Variants in MEF2C observed in about 807,000 individuals in gnomAD.
The protein encoded by MEF2C is myocyte enhancer factor 2C.
MEF2C carries 6 observed loss-of-function variants against 50.5 expected under a neutral mutation model. The observed-to-expected ratio is 0.12, with a 90% confidence interval of 0.07 to 0.23. The LOEUF (loss-of-function observed/expected upper bound fraction) is 0.23. Among genes scored for constraint, MEF2C ranks in the 10% least tolerant of loss-of-function variants. MEF2C has a pLI of 1.00. For synonymous variants in MEF2C, 183 were observed against 228.0 expected (o/e 0.80, Z 1.78); for missense variants, 276 against 605.0 (o/e 0.46, Z 5.70).
At chr5:88,775,408 C>A (rs900748964) in intron 3 of MEF2C, among the ~76,000 whole-genome samples, 1 of 152,162 alleles carries the variant, frequency 6.6e-6, no homozygotes, top group Non-Finnish European at 1.5e-5. Context: ...AAATTCCTAA[C>A]ATACATTGCA....
chr5:88,819,252 A>C, intron 2 of MEF2C: 170 of 512,260 alleles, frequency 3.3e-4, no homozygotes, highest in Non-Finnish European at 3.9e-4. Flanking sequence ...ATATTACACT[A>C]GATGCATCAT....
intron 3 of MEF2C, among the ~76,000 whole-genome samples, chr5:88,795,069 G>A (rs562106059): frequency 6.6e-6 from 1 of 152,278 alleles, no homozygotes; most frequent in East Asian, 1.9e-4. Flanking sequence ...TTTGAAGTCA[G>A]GTAGCGTGAT....
chr5:88,783,638 AT>A (rs1789363320), intron 3 of MEF2C, among the ~76,000 whole-genome samples: 1 of 152,174 alleles, frequency 6.6e-6, no homozygotes, highest in Non-Finnish European at 1.5e-5. Flanking sequence ...CTCAAAAAAA[AT>A]AAAATAAAAT....
intron 1 of MEF2C, among the ~76,000 whole-genome samples, chr5:88,841,769 A>G (rs1423010006): frequency 6.6e-6 from 1 of 152,190 alleles, no homozygotes; most frequent in Non-Finnish European, 1.5e-5. Flanking sequence ...CTGAGTCACT[A>G]CTATGTTCAA....
At chr5:88,757,429 C>G (rs1362147388) in intron 4 of MEF2C, among the ~76,000 whole-genome samples, 1 of 151,858 alleles carries the variant, frequency 6.6e-6, no homozygotes, top group East Asian at 1.9e-4. Context: ...AAAAAAAAAT[C>G]ATACAACTCT....
At chr5:88,793,752 G>A (rs1794845624) in intron 3 of MEF2C, among the ~76,000 whole-genome samples, 3 of 152,078 alleles carry the variant, frequency 2.0e-5, no homozygotes, top group East Asian at 1.9e-4. Context: ...CCATAAAACC[G>A]TCATCTACAT....
intron 1 of MEF2C, among the ~76,000 whole-genome samples, chr5:88,864,090 G>A (rs1293800663): frequency 6.6e-6 from 1 of 151,128 alleles, no homozygotes; most frequent in East Asian, 1.9e-4. Context: ...CCGAAGTGCT[G>A]GGATTATGGG....
intron 1 of MEF2C, among the ~76,000 whole-genome samples, chr5:88,847,422 C>T (rs921176994): frequency 1.3e-5 from 2 of 152,148 alleles, no homozygotes; most frequent in Non-Finnish European, 2.9e-5. Flanking sequence ...ATTATAATAT[C>T]TGGAAATTTA....
At position 88,722,066 on chromosome 5, in the gene MEF2C, G is replaced by A. The variant is rs945784228; in HGVS notation, c.*538C>T. 1 of 152,452 alleles carries A rather than the reference G, an allele frequency of 6.6e-6. No individual in the cohort carries two copies. Among genetic ancestry groups the A allele is most frequent in the Non-Finnish European group, 1.5e-5 (1 of 68,278 alleles). The allele number at this position is 152,452 out of a possible 1,614,324, so 9.4% of individuals were successfully genotyped here. On this transcript the variant is annotated 3_prime_UTR_variant, in exon 11 of 11. Coordinates refer to ENST00000504921, the MANE Select transcript of MEF2C (RefSeq NM_002397.5). The stretch of plus-strand genomic sequence containing the variant: ...AATGGTCTCTGATCCTTTTTAATGA[G>A]TGCCATACGCCAATGATATGCCTGC...
chr5:88,772,698 A>G, intron 3 of MEF2C: 1 of 980,246 alleles, frequency 1.0e-6, no homozygotes, highest in Non-Finnish European at 1.2e-6. Flanking sequence ...TGACATTCAA[A>G]TCTTTTTAAA....
At chr5:88,855,580 C>A (rs888558155) in intron 1 of MEF2C, among the ~76,000 whole-genome samples, 1 of 152,184 alleles carries the variant, frequency 6.6e-6, no homozygotes, top group Non-Finnish European at 1.5e-5. Flanking sequence ...ATAATCTCCA[C>A]GTGTCATGGG....
intron 2 of MEF2C, among the ~76,000 whole-genome samples, chr5:88,808,332 A>G (rs1321221690): frequency 3.3e-5 from 5 of 152,186 alleles, no homozygotes; most frequent in African/African-American, 1.2e-4. Flanking sequence ...ACCACAAGCT[A>G]TATGTGGAAT....
At chr5:88,875,483 A>G (rs1408048896) in intron 1 of MEF2C, among the ~76,000 whole-genome samples, 1 of 151,910 alleles carries the variant, frequency 6.6e-6, no homozygotes, top group Middle Eastern at 3.2e-3. Context: ...AAAAGAAACC[A>G]TTATATTTTT....
At chr5:88,826,910 A>G (rs1438561136) in intron 1 of MEF2C, 1 of 148,954 alleles carries the variant, frequency 6.7e-6, no homozygotes, top group Non-Finnish European at 1.5e-5. Flanking sequence ...CACTAATTTA[A>G]AAAAAAAAAG....
chr5:88,779,760 G>GTTTTTTTTT (rs70996493), intron 3 of MEF2C, among the ~76,000 whole-genome samples: 4 of 147,158 alleles, frequency 2.7e-5, no homozygotes, highest in Non-Finnish European at 3.0e-5. Context: ...GCAAAGTGAG[G>GTTTTTTTTT]TTTTTTTTTT....
chr5:88,766,488 G>C (rs957872666), intron 3 of MEF2C: 5 of 203,106 alleles, frequency 2.5e-5, no homozygotes, highest in Admixed American at 1.3e-4. Flanking sequence ...ATTATATGAA[G>C]CTGTATTTTT....
chr5:88,738,464 A>T (rs1765062104), intron 6 of MEF2C: 2 of 867,116 alleles, frequency 2.3e-6, no homozygotes, highest in African/African-American at 3.7e-5. Context: ...TAGTATCCCT[A>T]TGAAAAATGA....
At chr5:88,780,737 A>G in intron 3 of MEF2C, 1 of 979,448 alleles carries the variant, frequency 1.0e-6, no homozygotes, top group Non-Finnish European at 1.2e-6. Flanking sequence ...CAATGAAATC[A>G]ATTATTTATT....
chr5:88,783,366 C>T lies in MEF2C; in HGVS notation c.258+21232G>A, dbSNP rs144602579. On this transcript the variant is annotated intron_variant, in intron 3 of 10. Coordinates refer to ENST00000504921, the MANE Select transcript of MEF2C (RefSeq NM_002397.5). ...AGAGTTGGCCGGGTGCAGTGGTTCACGCCTGTAATCCCAGCACTTTGGGAG... is the reference window on the plus strand; with the variant it reads ...AGAGTTGGCCGGGTGCAGTGGTTCATGCCTGTAATCCCAGCACTTTGGGAG... Among the ~76,000 whole-genome samples, 464 of 152,246 alleles carry T rather than the reference C, an allele frequency of 3.0e-3. 3 individuals are homozygous for T. The highest frequency in any genetic ancestry group is 0.011 in the African/African-American group (454 of 41,544).
Sources: gnomAD v4.1 joint callset for allele counts (sites outside exome capture counted in the v4.1 genomes callset) on GRCh38, gnomAD v4.1.1 for gene constraint, MANE v1.5 for transcripts, NCBI Gene and HGNC (gene_info 2026-07-23, HGNC 2026-07-21) for gene names.